ADGRV1: variants seen among roughly 807,000 people sequenced by gnomAD.
ADGRV1 encodes the protein adhesion G protein-coupled receptor V1, also known as G-protein coupled receptor 98.
A neutral mutation model predicts 596.2 loss-of-function variants in ADGRV1; 359 were observed. The observed-to-expected ratio is 0.60, with a 90% confidence interval of 0.55 to 0.66. ADGRV1 has a LOEUF of 0.66. Among genes scored for constraint, ADGRV1 ranks in the 30% least tolerant of loss-of-function variants. The pLI is 0.00. For missense variants in ADGRV1, 7,274 were observed against 7,575.6 expected (o/e 0.96, Z 1.48); for synonymous variants, 2,681 against 2,679.2 (o/e 1.00, Z -0.02).
rs373974856 is a variant in ADGRV1, at chr5:90,752,647, G to A, written c.11122-927G>A. On this transcript the variant is annotated intron_variant, in intron 53 of 89. Transcript: ENST00000405460. Reference sequence around the variant, plus strand: ...GACATGATCTCATTTTTCTTTTATGGCTGCATACCTAAAGAAAGAAATACC... The same window carrying A: ...GACATGATCTCATTTTTCTTTTATGACTGCATACCTAAAGAAAGAAATACC... Among the ~76,000 whole-genome samples, 3 of 152,074 alleles carry A rather than the reference G, an allele frequency of 2.0e-5. No homozygotes were observed. In the East Asian group the frequency reaches 5.8e-4, roughly 29 times the overall value.
At chr5:90,577,237 T>G (rs1464940948) in intron 1 of ADGRV1, among the ~76,000 whole-genome samples, 4 of 152,232 alleles carry the variant, frequency 2.6e-5, no homozygotes, top group African/African-American at 9.6e-5. Flanking sequence ...TTCTAGGGTT[T>G]TTATGGTTTT....
chr5:90,717,405 A>G (rs1750264177), intron 43 of ADGRV1: 1 of 146,458 alleles, frequency 6.8e-6, no homozygotes, highest in Admixed American at 6.8e-5. Context: ...AAAAAAAGCA[A>G]TTTGCAAGAT....
intron 82 of ADGRV1, among the ~76,000 whole-genome samples, chr5:90,860,593 A>G (rs1159658416): frequency 3.3e-5 from 5 of 152,210 alleles, no homozygotes; most frequent in African/African-American, 1.2e-4. Flanking sequence ...AACAAAAAGT[A>G]CAAAAAGTGA....
chr5:90,921,391 C>T (rs1409929149), intron 83 of ADGRV1, among the ~76,000 whole-genome samples: 1 of 152,084 alleles, frequency 6.6e-6, no homozygotes, highest in African/African-American at 2.4e-5. Flanking sequence ...TCTAGCTGCA[C>T]AACCTCTCCC....
chr5:91,072,856 C>T (rs1434900764), intron 86 of ADGRV1, among the ~76,000 whole-genome samples: 2 of 152,104 alleles, frequency 1.3e-5, no homozygotes, highest in Admixed American at 1.3e-4. Flanking sequence ...GTAAATGAGT[C>T]GCAGCCTTGG....
At chr5:90,634,898 C>T (rs1403995355) in intron 9 of ADGRV1, among the ~76,000 whole-genome samples, 2 of 151,524 alleles carry the variant, frequency 1.3e-5, no homozygotes, top group African/African-American at 4.9e-5. Context: ...TTAGGCAGAC[C>T]CTTGGGGAAT....
At chr5:90,783,051 G>C in intron 65 of ADGRV1, 73 bp from the exon 66 acceptor site, 1 of 1,227,618 alleles carries the variant, frequency 8.1e-7, no homozygotes, top group South Asian at 1.3e-5. Context: ...TAATTGCCAG[G>C]TTTAATTTGG....
At chr5:90,761,803 A>G (rs1475373460) in intron 58 of ADGRV1, among the ~76,000 whole-genome samples, 1 of 152,198 alleles carries the variant, frequency 6.6e-6, no homozygotes, top group Non-Finnish European at 1.5e-5. Context: ...TTAGATGTCC[A>G]TGGCTATTTT....
intron 89 of ADGRV1, among the ~76,000 whole-genome samples, chr5:91,157,873 A>C (rs527772815): frequency 7.9e-5 from 12 of 152,296 alleles, no homozygotes; most frequent in African/African-American, 2.9e-4. Context: ...ATGTACCACA[A>C]GTTAAAGGAA....
At chr5:90,611,035 C>G (rs1402543714) in intron 1 of ADGRV1, among the ~76,000 whole-genome samples, 1 of 151,306 alleles carries the variant, frequency 6.6e-6, no homozygotes, top group Non-Finnish European at 1.5e-5. Context: ...TTGACCTGAT[C>G]TGAATGGCCA....
At position 90,627,917 on chromosome 5, in the gene ADGRV1, GACACACACACACAC is replaced by G. The variant is rs3041948; in HGVS notation, c.1238+173_1238+186del. On this transcript the variant is annotated intron_variant, in intron 7 of 89. Coordinates refer to ENST00000405460, the MANE Select transcript of ADGRV1 (RefSeq NM_032119.4). ...AAAGTTTCATGACAAACTCAGAAAAGACACACACACACACACACACACACACACACACACACACA... is the reference window on the plus strand; with the variant it reads ...AAAGTTTCATGACAAACTCAGAAAAGACACACACACACACACACACACACA... The G allele has an allele frequency of 1.1e-3, 251 of 230,404 alleles. 1 individual carries two copies. The highest frequency in any genetic ancestry group is 1.4e-3 in the Non-Finnish European group (178 of 128,020). The allele number at this position is 230,404 out of a possible 1,614,324, so 14.3% of individuals were successfully genotyped here.
At chr5:90,747,669 G>T (rs1049344482) in intron 52 of ADGRV1, among the ~76,000 whole-genome samples, 13 of 152,122 alleles carry the variant, frequency 8.5e-5, no homozygotes, top group African/African-American at 3.1e-4. Context: ...GGCACCCTCT[G>T]CCTGGCACAT....
intron 83 of ADGRV1, among the ~76,000 whole-genome samples, chr5:90,956,650 T>C (rs1777508930): frequency 6.6e-6 from 1 of 152,192 alleles, no homozygotes; most frequent in African/African-American, 2.4e-5. Context: ...TTTGCACTCG[T>C]TGTTCTTCCT....
At chr5:90,821,185 C>G (rs1350262109) in intron 75 of ADGRV1, among the ~76,000 whole-genome samples, 4 of 151,436 alleles carry the variant, frequency 2.6e-5, no homozygotes, top group Admixed American at 1.3e-4. Context: ...ATTGCTGATA[C>G]CCTTTCTTCC....
intron 83 of ADGRV1, among the ~76,000 whole-genome samples, chr5:90,936,874 A>C (rs1330580928): frequency 6.6e-6 from 1 of 152,090 alleles, no homozygotes; most frequent in East Asian, 1.9e-4. Context: ...ATATTGGATA[A>C]AAAATGTAAT....
intron 1 of ADGRV1, among the ~76,000 whole-genome samples, chr5:90,602,754 T>C (rs1761573487): frequency 6.6e-6 from 1 of 152,186 alleles, no homozygotes; most frequent in Non-Finnish European, 1.5e-5. Flanking sequence ...TGGAATAAAG[T>C]GTTGACTTTA....
At chr5:90,646,657 T>C (rs1278958700) in intron 16 of ADGRV1, among the ~76,000 whole-genome samples, 1 of 152,232 alleles carries the variant, frequency 6.6e-6, no homozygotes, top group East Asian at 1.9e-4. Context: ...GGTTGTTGTG[T>C]AACTCTTTCT....
chr5:90,754,060 T>G (rs1014391053), intron 54 of ADGRV1, among the ~76,000 whole-genome samples: 8 of 152,134 alleles, frequency 5.3e-5, no homozygotes, highest in African/African-American at 1.7e-4. Context: ...TTAGAAATAT[T>G]AATATTTTAG....
intron 82 of ADGRV1, among the ~76,000 whole-genome samples, chr5:90,861,603 C>CTGG (rs1160588701): frequency 6.6e-6 from 1 of 151,660 alleles, no homozygotes; most frequent in Non-Finnish European, 1.5e-5. Flanking sequence ...GCCACCATGC[C>CTGG]CGGCTATACT....
Sources: allele counts gnomAD v4.1 joint callset (sites outside exome capture counted in the v4.1 genomes callset), GRCh38; gene constraint gnomAD v4.1.1; transcripts MANE v1.5; gene names NCBI Gene and HGNC (gene_info 2026-07-23, HGNC 2026-07-21).